Variants in PGCKA1 observed in about 807,000 individuals in gnomAD.
The protein encoded by PGCKA1 is PDCD10 and GCKIII kinases-associated protein 1.
chr4:37,473,951 C>T, the PGCKA1 span, among the ~76,000 whole-genome samples: 3 of 152,170 alleles, frequency 2.0e-5, no homozygotes, highest in African/African-American at 7.2e-5. Context: ...ATCGGTGCTC[C>T]ACCTTCAAGC....
chr4:37,506,316 G>A, the PGCKA1 span, among the ~76,000 whole-genome samples: 12,892 of 151,462 alleles, frequency 0.085, 753 homozygotes, highest in South Asian at 0.24. Flanking sequence ...TTCTAATTTT[G>A]GGGTGGTTTG....
At chr4:37,512,854 C>T in the PGCKA1 span, among the ~76,000 whole-genome samples, 9 of 151,964 alleles carry the variant, frequency 5.9e-5, no homozygotes, top group South Asian at 1.7e-3. Context: ...CTTGGGAGGC[C>T]GAAGGGGGCA....
At chr4:37,538,298 G>A in the PGCKA1 span, among the ~76,000 whole-genome samples, 1 of 152,186 alleles carries the variant, frequency 6.6e-6, no homozygotes, top group African/African-American at 2.4e-5. Flanking sequence ...AAACATGTAT[G>A]TGCAAGACAG....
the PGCKA1 span, among the ~76,000 whole-genome samples, chr4:37,518,519 T>C: frequency 6.6e-6 from 1 of 152,360 alleles, no homozygotes; most frequent in South Asian, 2.1e-4. Flanking sequence ...TCTCTGATGA[T>C]CAGCGATGTT....
chr4:37,529,919 C>T, the PGCKA1 span, among the ~76,000 whole-genome samples: 51 of 152,126 alleles, frequency 3.4e-4, 2 homozygotes, highest in South Asian at 0.01. Context: ...ATTATTATCT[C>T]GATTTTACAT....
chr4:37,479,609 C>T, the PGCKA1 span, among the ~76,000 whole-genome samples: 7 of 152,052 alleles, frequency 4.6e-5, no homozygotes, highest in African/African-American at 9.7e-5. Flanking sequence ...AGGCAGTGGG[C>T]GCTAACCAGG....
chr4:37,490,509 TG>T, the PGCKA1 span, among the ~76,000 whole-genome samples: 3 of 152,180 alleles, frequency 2.0e-5, no homozygotes, highest in Non-Finnish European at 4.4e-5. Flanking sequence ...TTCCTTTCTT[TG>T]TCCCCTGCCA....
At chr4:37,509,823 C>T in the PGCKA1 span, among the ~76,000 whole-genome samples, 16 of 151,618 alleles carry the variant, frequency 1.1e-4, no homozygotes, top group African/African-American at 3.2e-4. Flanking sequence ...ACCAGTCAGG[C>T]GTGGCGGCGC....
the PGCKA1 span, among the ~76,000 whole-genome samples, chr4:37,568,686 C>A: frequency 1.3e-5 from 2 of 152,198 alleles, no homozygotes; most frequent in Non-Finnish European, 2.9e-5. Flanking sequence ...AACCACTGGG[C>A]GTGGTGCCCC....
the PGCKA1 span, among the ~76,000 whole-genome samples, chr4:37,559,889 C>T: frequency 4.9e-3 from 743 of 152,310 alleles, 8 homozygotes; most frequent in East Asian, 0.047. Context: ...GTGGTGCATG[C>T]ATTATTCTTG....
At chr4:37,518,235 G>C in the PGCKA1 span, among the ~76,000 whole-genome samples, 1 of 152,166 alleles carries the variant, frequency 6.6e-6, no homozygotes, top group South Asian at 2.1e-4. Flanking sequence ...CAACAAACAG[G>C]GGTGCAGATA....
chr4:37,460,959 A>G, the PGCKA1 span: 1 of 360,076 alleles, frequency 2.8e-6, no homozygotes, highest in Non-Finnish European at 5.4e-6. Flanking sequence ...TGGGGTTTTT[A>G]TGGTTTTGGG....
At chr4:37,506,653 T>G in the PGCKA1 span, among the ~76,000 whole-genome samples, 1 of 152,062 alleles carries the variant, frequency 6.6e-6, no homozygotes, top group East Asian at 1.9e-4. Flanking sequence ...TGCTTGATAT[T>G]ATTTCCATTA....
the PGCKA1 span, among the ~76,000 whole-genome samples, chr4:37,510,185 A>G: frequency 6.6e-6 from 1 of 151,956 alleles, no homozygotes; most frequent in Non-Finnish European, 1.5e-5. Context: ...GAATGGCCAC[A>G]TATCTCTATT....
At chr4:37,471,026 A>G in the PGCKA1 span, among the ~76,000 whole-genome samples, 2 of 152,182 alleles carry the variant, frequency 1.3e-5, no homozygotes, top group Non-Finnish European at 2.9e-5. Context: ...GAGAACTTTA[A>G]TTTGCAAATA....
At chr4:37,516,498 C>T in the PGCKA1 span, among the ~76,000 whole-genome samples, 1 of 152,158 alleles carries the variant, frequency 6.6e-6, no homozygotes, top group African/African-American at 2.4e-5. Flanking sequence ...AAATTTTTAA[C>T]AGATGAGGTA....
At chr4:37,582,794 G>A in the PGCKA1 span, among the ~76,000 whole-genome samples, 17,642 of 151,992 alleles carry the variant, frequency 0.12, 2,761 homozygotes, top group African/African-American at 0.35. Context: ...TCCAACGTAA[G>A]GATAATATTT....
the PGCKA1 span, among the ~76,000 whole-genome samples, chr4:37,583,650 G>T: frequency 4.6e-5 from 7 of 152,014 alleles, no homozygotes; most frequent in African/African-American, 1.7e-4. Context: ...TATTAGCCAG[G>T]ATGGTCTCGA....
chr4:37,545,711 C>G, the PGCKA1 span, among the ~76,000 whole-genome samples: 1 of 152,180 alleles, frequency 6.6e-6, no homozygotes, highest in African/African-American at 2.4e-5. Flanking sequence ...GTTGTCATCC[C>G]CCCATTCATT....
Sources: allele counts gnomAD v4.1 joint callset (sites outside exome capture counted in the v4.1 genomes callset), GRCh38; gene constraint gnomAD v4.1.1; transcripts MANE v1.5; gene names NCBI Gene and HGNC (gene_info 2026-07-23, HGNC 2026-07-21).